SRGAP1: variants seen among roughly 807,000 people sequenced by gnomAD.
SRGAP1 encodes SLIT-ROBO Rho GTPase activating protein 1.
In SRGAP1, 43 loss-of-function variants were observed where a neutral mutation model predicts 121.9. The observed-to-expected ratio is 0.35, with a 90% CI of 0.28 to 0.46. The LOEUF (loss-of-function observed/expected upper bound fraction) is 0.46, where lower values mean the gene tolerates loss of function less well. SRGAP1 is among the 20% of genes least tolerant of loss of function. The pLI is 1.00. For missense variants in SRGAP1, 1,102 were observed against 1,350.9 expected, an observed-to-expected ratio of 0.82 and a Z score of 2.89; for synonymous variants, 447 against 485.4, an observed-to-expected ratio of 0.92 and a Z score of 1.04.
At chr12:64,134,893 C>G (rs1282965870) in intron 21 of SRGAP1, among the ~76,000 whole-genome samples, 1 of 152,164 alleles carries the variant, frequency 6.6e-6, no homozygotes, top group Non-Finnish European at 1.5e-5. Context: ...GGGTCACACT[C>G]TCAACCTCAC....
intron 11 of SRGAP1, among the ~76,000 whole-genome samples, chr12:64,090,464 G>A (rs1242923271): frequency 6.6e-6 from 1 of 152,216 alleles, no homozygotes; most frequent in African/African-American, 2.4e-5. Context: ...TTTCTCACTT[G>A]TGACCTATTA....
At chr12:64,112,767 T>A (rs2036450157) in intron 17 of SRGAP1, among the ~76,000 whole-genome samples, 1 of 152,150 alleles carries the variant, frequency 6.6e-6, no homozygotes, top group African/African-American at 2.4e-5. Flanking sequence ...AAGGTCATTA[T>A]GTTAAGTGAA....
At chr12:64,022,450 A>G (rs979989315) in intron 4 of SRGAP1, among the ~76,000 whole-genome samples, 1 of 152,202 alleles carries the variant, frequency 6.6e-6, no homozygotes, top group African/African-American at 2.4e-5. Flanking sequence ...AGTAGGTTGG[A>G]TAAGACCCAC....
At chr12:63,913,194 CTTTTTTTTTTTTTTTTT>C (rs759566545) in intron 1 of SRGAP1, among the ~76,000 whole-genome samples, 1 of 59,044 alleles carries the variant, frequency 1.7e-5, no homozygotes, top group Non-Finnish European at 3.0e-5. Context: ...GTAAATCCTT[CTTTTTTTTTTTTTTTTT>C]TTTTTTTTTT....
At position 63,921,228 on chromosome 12, in the gene SRGAP1, C is replaced by T. The variant is rs1032448128; in HGVS notation, c.68-62719C>T. The stretch of plus-strand genomic sequence containing the variant: ...ATCGTGATCACTCTAATGCCAGCTA[C>T]GTTACCACCAGTTTGCACCTTGAGT... On this transcript the variant is annotated intron_variant, in intron 1 of 21. Coordinates refer to ENST00000355086, the MANE Select transcript of SRGAP1 (RefSeq NM_020762.4). 2.0e-5 allele frequency among the ~76,000 whole-genome samples: 3 copies of T among 152,320 alleles called. 1 individual carries two copies. The South Asian group carries it at 6.2e-4, about 32-fold the overall frequency.
chr12:64,040,522 A>G (rs558675110), intron 4 of SRGAP1, among the ~76,000 whole-genome samples: 7 of 152,264 alleles, frequency 4.6e-5, no homozygotes, highest in African/African-American at 1.7e-4. Flanking sequence ...CACACCTTAC[A>G]TGTGTTGTTT....
At chr12:63,860,566 TTAAC>T (rs1269533015) in intron 1 of SRGAP1, among the ~76,000 whole-genome samples, 2 of 152,216 alleles carry the variant, frequency 1.3e-5, no homozygotes, top group African/African-American at 4.8e-5. Flanking sequence ...AATTTTCTGA[TTAAC>T]TGACATAAAA....
At chr12:64,092,763 C>T (rs544887172) in intron 12 of SRGAP1, among the ~76,000 whole-genome samples, 1 of 152,248 alleles carries the variant, frequency 6.6e-6, no homozygotes, top group East Asian at 1.9e-4. Context: ...AGATATGCAG[C>T]TGATGGCCTG....
intron 1 of SRGAP1, among the ~76,000 whole-genome samples, chr12:63,920,363 A>G (rs1183461937): frequency 6.6e-6 from 1 of 152,186 alleles, no homozygotes; most frequent in African/African-American, 2.4e-5. Flanking sequence ...GGCTGAAATT[A>G]TCCTGAGATG....
At chr12:64,081,881 T>C (rs2035849776) in intron 10 of SRGAP1, 2 of 151,426 alleles carry the variant, frequency 1.3e-5, no homozygotes, top group Admixed American at 1.3e-4. Flanking sequence ...CCTGTACTGC[T>C]CTTTTAACTC....
intron 1 of SRGAP1, among the ~76,000 whole-genome samples, chr12:63,902,516 C>T (rs2029983356): frequency 6.6e-6 from 1 of 152,192 alleles, no homozygotes; most frequent in Non-Finnish European, 1.5e-5. Context: ...TACCCATAAT[C>T]ATGCTTTTAC....
At chr12:64,038,219 A>G (rs1289806925) in intron 4 of SRGAP1, among the ~76,000 whole-genome samples, 1 of 152,234 alleles carries the variant, frequency 6.6e-6, no homozygotes. Context: ...TATGTCTAGC[A>G]CATAGTGAGC....
At chr12:63,928,519 T>C (rs2136334760) in intron 1 of SRGAP1, among the ~76,000 whole-genome samples, 1 of 152,288 alleles carries the variant, frequency 6.6e-6, no homozygotes, top group East Asian at 1.9e-4. Context: ...ACACTATTCA[T>C]ACAAGCCCTA....
chr12:64,111,758 G>A lies in SRGAP1; in HGVS notation c.1920-4G>A. 1.9e-6 allele frequency: 3 copies of A among 1,542,530 alleles called. No homozygotes were observed. The highest frequency in any genetic ancestry group is 1.4e-5 in the African/African-American group (1 of 73,002). On this transcript the variant is annotated splice_region_variant and splice_polypyrimidine_tract_variant and intron_variant, in intron 16 of 21. Coordinates refer to ENST00000355086, the MANE Select transcript of SRGAP1 (RefSeq NM_020762.4). ...TATAACTCCTTTCTTGTTTCCTTTT[G>A]TAGTCTATCACAGTACAGCGATGAG...
intron 1 of SRGAP1, among the ~76,000 whole-genome samples, chr12:63,953,912 T>C (rs1336796188): frequency 6.6e-6 from 1 of 152,218 alleles, no homozygotes; most frequent in African/African-American, 2.4e-5. Flanking sequence ...CCCTAAACTT[T>C]CACTGACAGT....
intron 4 of SRGAP1, among the ~76,000 whole-genome samples, chr12:64,036,398 A>G (rs1242885553): frequency 3.9e-5 from 6 of 152,130 alleles, no homozygotes; most frequent in Admixed American, 3.3e-4. Context: ...ACTTGCAGAA[A>G]TTCAGCTACA....
At chr12:64,081,965 G>GT (rs2035851519) in intron 10 of SRGAP1, 1 of 45,304 alleles carries the variant, frequency 2.2e-5, no homozygotes, top group African/African-American at 8.4e-5. Context: ...ATTGTGTCCT[G>GT]TTTTTTCTTT....
At position 64,145,243 on chromosome 12, in the gene SRGAP1, A is replaced by G. The variant is rs184172628; in HGVS notation, c.*2571A>G. On this transcript the variant is annotated 3_prime_UTR_variant, in exon 22 of 22. Coordinates refer to ENST00000355086, the MANE Select transcript of SRGAP1 (RefSeq NM_020762.4). ...AAGGGCCAGAGGTGTCTTTGAATTT[A>G]TTTTTTTTCAATGTCTTTTCTGAGC... 5.9e-5 allele frequency: 9 copies of G among 152,040 alleles called. No homozygotes were observed. The East Asian group carries it at 1.7e-3, about 29-fold the overall frequency. 9.4% of individuals were successfully genotyped at this position (152,040 alleles called of 1,614,324 possible). A position where few individuals can be genotyped will look rare whatever the true frequency, so the allele number is the denominator to read the frequency against.
chr12:63,943,366 A>G (rs1006289469), intron 1 of SRGAP1, among the ~76,000 whole-genome samples: 2 of 152,230 alleles, frequency 1.3e-5, no homozygotes, highest in Non-Finnish European at 2.9e-5. Flanking sequence ...AGTTAATAGT[A>G]ACAATAACAT....
Sources: allele counts gnomAD v4.1 joint callset (sites outside exome capture counted in the v4.1 genomes callset), GRCh38; gene constraint gnomAD v4.1.1; transcripts MANE v1.5; gene names NCBI Gene and HGNC (gene_info 2026-07-23, HGNC 2026-07-21).